The following PTPRN2 variants were observed in gnomAD, a reference collection of about 807,000 sequenced individuals.
The protein encoded by PTPRN2 is protein tyrosine phosphatase receptor type N2, also known as receptor-type tyrosine-protein phosphatase N2.
Under a neutral mutation model 118.8 loss-of-function variants are expected in PTPRN2, and 74 were observed. The observed-to-expected ratio is 0.62, with a 90% CI of 0.52 to 0.76. PTPRN2 has a LOEUF of 0.76. Ranked by LOEUF, PTPRN2 falls within the 30% of genes least tolerant of loss-of-function variation. PTPRN2 has a pLI of 0.00. For synonymous variants in PTPRN2, 641 were observed against 608.0 expected (o/e 1.05, Z -0.80); for missense variants, 1,481 against 1,394.4 (o/e 1.06, Z -0.99).
At chr7:158,514,479 A>C (rs1428759419) in intron 1 of PTPRN2, among the ~76,000 whole-genome samples, 1 of 152,174 alleles carries the variant, frequency 6.6e-6, no homozygotes, top group Non-Finnish European at 1.5e-5. Context: ...TCTGTGGTCC[A>C]TGAAAGAGAA....
intron 12 of PTPRN2, among the ~76,000 whole-genome samples, chr7:157,853,707 G>A (rs1462873980): frequency 1.3e-5 from 2 of 152,164 alleles, no homozygotes; most frequent in Admixed American, 1.3e-4. Flanking sequence ...GATGCTCCAC[G>A]CCCCACTGCC....
At chr7:157,544,817 G>T (rs1456025423) in intron 22 of PTPRN2, among the ~76,000 whole-genome samples, 1 of 152,238 alleles carries the variant, frequency 6.6e-6, no homozygotes, top group Non-Finnish European at 1.5e-5. Context: ...CTGAGGGTGT[G>T]TGCACACGGG....
intron 12 of PTPRN2, among the ~76,000 whole-genome samples, chr7:157,727,886 G>A (rs1799687680): frequency 6.6e-6 from 1 of 152,174 alleles, no homozygotes; most frequent in Admixed American, 6.5e-5. Flanking sequence ...GGCCTGCACT[G>A]CTGCATCTCT....
chr7:158,168,553 T>A (rs1459078782), intron 5 of PTPRN2, among the ~76,000 whole-genome samples: 1 of 152,250 alleles, frequency 6.6e-6, no homozygotes, highest in Non-Finnish European at 1.5e-5. Context: ...GTGCCTTGTC[T>A]GGAGGTCTTC....
At chr7:158,502,138 CAAG>C (rs1209293543) in intron 1 of PTPRN2, among the ~76,000 whole-genome samples, 3 of 152,152 alleles carry the variant, frequency 2.0e-5, no homozygotes, top group Non-Finnish European at 4.4e-5. Flanking sequence ...GCTTCAAGCA[CAAG>C]AAGAACTGGC....
intron 12 of PTPRN2, among the ~76,000 whole-genome samples, chr7:157,814,062 A>ACGCGAGGCAGTGGTCGCCT (rs1806231124): frequency 6.6e-6 from 1 of 152,228 alleles, no homozygotes; most frequent in African/African-American, 2.4e-5. Flanking sequence ...AGTGGTCGCC[A>ACGCGAGGCAGTGGTCGCCT]CACCCACACT....
intron 17 of PTPRN2, among the ~76,000 whole-genome samples, chr7:157,579,973 G>A (rs754685369): frequency 2.0e-5 from 3 of 152,172 alleles, no homozygotes; most frequent in East Asian, 3.8e-4. Context: ...CTTCAACAGC[G>A]CGCCTGACCA....
At position 157,568,934 on chromosome 7, in the gene PTPRN2, A is replaced by G; in HGVS notation, c.2870T>C (p.Leu957Pro). 1 of 1,578,896 alleles carries G rather than the reference A, an allele frequency of 6.3e-7. No homozygotes were observed. Among genetic ancestry groups the G allele is most frequent in the Non-Finnish European group, 8.7e-7 (1 of 1,148,140 alleles). ...CATCTTGTTGAGAACCATGTCGATC[A>G]GGACGTAGGTGCCGCTCCGGCCTGC... ...DGAGRSGTYV[L>P]IDMVLNKMAK... Residue 957 changes from leucine (L) to proline (P), a missense_variant, in exon 21 of 23, where the codon CTG (leucine) becomes CCG (proline). Coordinates refer to ENST00000389418, the MANE Select transcript of PTPRN2 (RefSeq NM_002847.5).
intron 2 of PTPRN2, among the ~76,000 whole-genome samples, chr7:158,485,880 T>C (rs36023415): frequency 0.19 from 29,171 of 152,256 alleles, 3,299 homozygotes; most frequent in East Asian, 0.41. Flanking sequence ...TCGTATTAGA[T>C]GCTCAGTTTT....
intron 11 of PTPRN2, among the ~76,000 whole-genome samples, chr7:158,078,873 G>C (rs905096537): frequency 6.6e-6 from 1 of 152,086 alleles, no homozygotes; most frequent in South Asian, 2.1e-4. Flanking sequence ...TGTGAGACAG[G>C]GTCTCCCTCT....
At position 158,533,894 on chromosome 7, in the gene PTPRN2, G is replaced by A. The variant is rs542091017; in HGVS notation, c.113-44109C>T. Among the ~76,000 whole-genome samples the A allele has an allele frequency of 5.9e-5, 9 of 152,326 alleles. No individual in the cohort carries two copies. The South Asian group carries it at 8.3e-4, about 14-fold the overall frequency. ...AGTCGCACGTCAGGCCCTCCGTGCC[G>A]CCGTCACAGCTGCTCTCTCCCCAGC... On this transcript the variant is annotated intron_variant, in intron 1 of 22. Coordinates refer to ENST00000389418, the MANE Select transcript of PTPRN2 (RefSeq NM_002847.5).
At chr7:157,867,869 G>A (rs1031022518) in intron 12 of PTPRN2, among the ~76,000 whole-genome samples, 1 of 152,158 alleles carries the variant, frequency 6.6e-6, no homozygotes, top group Non-Finnish European at 1.5e-5. Context: ...TCCACAGTCC[G>A]TGAGCAAAGG....
At chr7:157,963,316 A>C (rs968773368) in intron 11 of PTPRN2, among the ~76,000 whole-genome samples, 1 of 152,250 alleles carries the variant, frequency 6.6e-6, no homozygotes, top group Non-Finnish European at 1.5e-5. Flanking sequence ...GTTGCCTGGA[A>C]AAAATAAGGT....
rs1188311152 is a variant in PTPRN2 at position 157,585,116 on chromosome 7, C to A, written c.2497-6976G>T. On this transcript the variant is annotated intron_variant, in intron 17 of 22. Coordinates refer to ENST00000389418, the MANE Select transcript of PTPRN2 (RefSeq NM_002847.5). This position sits in a 1 kb window ranked among gnomAD's most constrained non-coding sequence, Gnocchi z 5.2. ...ACACGATGAGGTGACGTAGCCCACA[C>A]ACACGTCAGCAGTGCTGATGGAAAG... 6.6e-6 allele frequency among the ~76,000 whole-genome samples: 1 copy of A among 152,162 alleles called. No homozygotes were observed. The highest frequency in any genetic ancestry group is 1.5e-5 in the Non-Finnish European group (1 of 68,030).
chr7:158,560,519 G>A (rs1397404708), intron 1 of PTPRN2, among the ~76,000 whole-genome samples: 3 of 152,258 alleles, frequency 2.0e-5, no homozygotes, highest in Non-Finnish European at 2.9e-5. Context: ...CCTACTAAGT[G>A]TCAACATGCA....
intron 12 of PTPRN2, among the ~76,000 whole-genome samples, chr7:157,812,896 A>C (rs552549412): frequency 6.6e-6 from 1 of 151,890 alleles, no homozygotes; most frequent in East Asian, 1.9e-4. Flanking sequence ...GATGTGGAAA[A>C]CTCGCCCTCC....
chr7:158,138,465 C>T lies in PTPRN2; in HGVS notation c.961G>A (p.Val321Met), dbSNP rs1050536633. 28 of 1,612,962 alleles carry T rather than the reference C, an allele frequency of 1.7e-5. No homozygotes were observed. The highest frequency in any genetic ancestry group is 2.2e-5 in the Non-Finnish European group (26 of 1,179,932). The stretch of plus-strand genomic sequence containing the variant: ...AGCTCCAGGCCACTCAGGCCCCTCA[C>T]CTCAGCCGGCTGCCTCTGCAGGTCC... ...LKDLQRQPAE[V>M]RGLSGLELDG... The change falls in exon 7 of 23, where the codon GTG becomes ATG. Residue 321 changes from valine (V) to methionine (M), a missense_variant. Physicochemically the swap from Val to Met is conservative, Grantham distance 21. This residue lies in a region of PTPRN2 where 1,115 missense variants were observed against 994.2 expected (regional missense o/e 1.12). Coordinates refer to ENST00000389418, the MANE Select transcript of PTPRN2 (RefSeq NM_002847.5).
intron 3 of PTPRN2, among the ~76,000 whole-genome samples, chr7:158,258,655 C>T (rs1474888402): frequency 6.6e-6 from 1 of 152,188 alleles, no homozygotes; most frequent in Non-Finnish European, 1.5e-5. Flanking sequence ...CAGGGCCTTC[C>T]CTGAAGCCTT....
In PTPRN2 at chr7:158,174,439, A is replaced by G. The variant is rs1404338774; in HGVS notation, c.550-7148T>C. ...CACCATTATCACTTCCACCATCAAC[A>G]TGATCCCTGCCATCATCACCTCAAC... On this transcript the variant is annotated intron_variant, in intron 5 of 22. Coordinates refer to ENST00000389418, the MANE Select transcript of PTPRN2 (RefSeq NM_002847.5). Among the ~76,000 whole-genome samples, 5 of 151,776 alleles carry G rather than the reference A, an allele frequency of 3.3e-5. No homozygotes were observed. In the East Asian group the frequency reaches 9.7e-4, roughly 29 times the overall value.
Sources: allele counts gnomAD v4.1 joint callset (sites outside exome capture counted in the v4.1 genomes callset), GRCh38; gene constraint gnomAD v4.1.1; regional missense constraint gnomAD v4.1.1; non-coding constraint Gnocchi (gnomAD v3.1); transcripts MANE v1.5; gene names NCBI Gene and HGNC (gene_info 2026-07-23, HGNC 2026-07-21).